Variants in GAK observed in about 807,000 individuals in gnomAD.
GAK encodes cyclin-G-associated kinase.
In GAK, 79 loss-of-function variants were observed where a neutral mutation model predicts 143.9. That is an observed-to-expected ratio of 0.55 (90% CI 0.46 to 0.66). The LOEUF is 0.66. Ranked by LOEUF, GAK falls within the 30% of genes least tolerant of loss-of-function variation. GAK has a pLI of 0.00. For synonymous variants in GAK, 881 were observed against 765.5 expected (o/e 1.15, Z -2.49); for missense variants, 1,693 against 1,779.7 (o/e 0.95, Z 0.88).
chr4:861,750 G>A (rs1750314720), intron 23 of GAK, among the ~76,000 whole-genome samples: 2 of 152,226 alleles, frequency 1.3e-5, no homozygotes, highest in South Asian at 4.1e-4. Flanking sequence ...TACAGAGGAA[G>A]TTCGGGTGAT....
In GAK at chr4:865,224, T is replaced by C. The variant is rs1750957219; in HGVS notation, c.3064A>G (p.Ser1022Gly). Residue 1022 changes from serine (S) to glycine (G), a missense_variant, in exon 23 of 28, where the codon AGC (serine) becomes GGC (glycine). By Grantham distance (56) the Ser-to-Gly change is moderately conservative. Around this residue, in one of 2 missense-constraint regions of GAK, gnomAD observed 822 missense variants for 788.7 expected, o/e 1.04. Transcript: ENST00000314167. ...LHLGDLPGEP[S>G]KMTASSSNPD... is the part of the protein sequence containing the mutation. ...TTGCTGGACGAGGCTGTCATCTTGC[T>C]GGGCTCTCCTGGCAGATCCCCTGGG... 1.2e-6 allele frequency: 2 copies of C among 1,613,464 alleles called. No individual in the cohort carries two copies. The highest frequency in any genetic ancestry group is 1.7e-6 in the Non-Finnish European group (2 of 1,179,888).
intron 24 of GAK, among the ~76,000 whole-genome samples, chr4:858,901 T>C (rs1749761313): frequency 6.6e-6 from 1 of 152,170 alleles, no homozygotes; most frequent in Non-Finnish European, 1.5e-5. Context: ...TGCTGGAGCG[T>C]CCGGGGGTCA....
At chr4:865,048 G>A in intron 23 of GAK, 74 bp downstream of exon 23, 2 of 1,555,408 alleles carry the variant, frequency 1.3e-6, no homozygotes, top group Non-Finnish European at 1.7e-6. Context: ...CCTGTTACAG[G>A]TACGTGTGAA....
intron 1 of GAK, among the ~76,000 whole-genome samples, chr4:928,898 G>C (rs1006217609): frequency 6.6e-6 from 1 of 152,072 alleles, no homozygotes; most frequent in South Asian, 2.1e-4. Context: ...TGAGTAGCTG[G>C]GACTACAGGC....
In GAK at chr4:932,196, C is replaced by G. The variant is rs1222582989; in HGVS notation, c.-9G>C. ...GACTGCAGCAGCGACATGGCGGTGG[C>G]TGCGCCGCACCCCGCGGCAGCCGGA... On this transcript the variant is annotated 5_prime_UTR_variant, in exon 1 of 28. Transcript: ENST00000314167. This position sits in a 1 kb window ranked among gnomAD's most constrained non-coding sequence, Gnocchi z 4.0. 2.0e-6 allele frequency: 3 copies of G among 1,530,028 alleles called. No homozygotes were observed. The Admixed American group carries it at 6.0e-5, about 31-fold the overall frequency. 94.8% of individuals were successfully genotyped at this position (1,530,028 alleles called of 1,614,324 possible). A position where few individuals can be genotyped will look rare whatever the true frequency, so the allele number is the denominator to read the frequency against.
chr4:893,770 G>T, intron 8 of GAK, 104 bp downstream of exon 8: 1 of 1,332,470 alleles, frequency 7.5e-7, no homozygotes, highest in Non-Finnish European at 1.0e-6. Flanking sequence ...ACGGGCGGGA[G>T]TGGGGCCAGG....
Position 910,842 on chromosome 4 carries a change from G to A in GAK, c.382+831C>T, listed in dbSNP as rs547305145. Among the ~76,000 whole-genome samples the A allele has an allele frequency of 8.5e-5, 13 of 152,190 alleles. No homozygotes were observed. In the East Asian group the frequency reaches 1.4e-3, roughly 16 times the overall value. On this transcript the variant is annotated intron_variant, in intron 4 of 27. Transcript: ENST00000314167. ...CTCCCCGAGTGCTCGACTTCCCCTC[G>A]TCACCTGGCACAGGAGTTCTGGAGG... is the stretch of plus-strand genomic sequence containing the variant.
At chr4:852,347 G>A in intron 24 of GAK, 1 of 338,078 alleles carries the variant, frequency 3.0e-6, no homozygotes, top group Non-Finnish European at 5.5e-6. Context: ...ACGGGGGTTG[G>A]GGCAGTGTCC....
At position 898,026 on chromosome 4, in the gene GAK, A is replaced by T; in HGVS notation, c.651+7T>A. ...GCTTCCCCCAGCATAGGCCCCACTC[A>T]GCTCACCTCTTCCTCCACCAGGGCT... On this transcript the variant is annotated splice_region_variant and intron_variant, in intron 6 of 27. Transcript: ENST00000314167. 6.2e-7 allele frequency: 1 copy of T among 1,610,708 alleles called. No homozygotes were observed. The highest frequency in any genetic ancestry group is 8.5e-7 in the Non-Finnish European group (1 of 1,178,330).
At position 866,965 on chromosome 4, in the gene GAK, G is replaced by A. The variant is rs1751304505; in HGVS notation, c.2863C>T (p.Pro955Ser). Reference sequence around the variant, plus strand: ...GAACAGAAACACGTACCAGCGGCAGGGGGCCCTCCTCTTGGGGTGCTCTGC... The same window carrying A: ...GAACAGAAACACGTACCAGCGGCAGAGGGCCCTCCTCTTGGGGTGCTCTGC... ...SVQSTPRGGP[P>S]AAADPFGPLL... Residue 955 changes from proline to serine, a missense_variant, in exon 21 of 28, where the codon CCT becomes TCT. Pro to Ser is a moderately conservative substitution (Grantham distance 74). This residue lies in a region of GAK where 822 missense variants were observed against 788.7 expected (regional missense o/e 1.04). Coordinates refer to ENST00000314167, the MANE Select transcript of GAK (RefSeq NM_005255.4). 10 of 1,486,468 alleles carry A rather than the reference G, an allele frequency of 6.7e-6. No homozygotes were observed. The highest frequency in any genetic ancestry group is 4.2e-5 in the African/African-American group (3 of 70,744). 92.1% of individuals were successfully genotyped at this position (1,486,468 alleles called of 1,614,324 possible).
intron 1 of GAK, among the ~76,000 whole-genome samples, chr4:923,247 T>C (rs1171613350): frequency 1.3e-5 from 2 of 152,136 alleles, no homozygotes; most frequent in East Asian, 1.9e-4. Flanking sequence ...CGTGGGAACC[T>C]ACAATGAACT....
Position 893,445 on chromosome 4 carries a change from C to A in GAK, c.922G>T (p.Glu308Ter). The change falls in exon 9 of 28, where the codon GAG becomes TAG. Residue 308 changes from glutamate to a stop codon, truncating the protein, a stop_gained. Transcript: ENST00000314167. LOFTEE classifies it high-confidence loss of function. The part of the protein sequence containing the change: ...VNPEERLSIA[E>*]VVHQLQEIAA... ...ATCTCCTGCAGCTGGTGCACCACCT[C>A]GGCGATGGACAGCCGCTCCTCCGGG... 6.3e-7 allele frequency: 1 copy of A among 1,592,578 alleles called. No individual in the cohort carries two copies. The highest frequency in any genetic ancestry group is 8.5e-7 in the Non-Finnish European group (1 of 1,170,312).
rs1717425402 is a variant in GAK, at chr4:890,542, G to C, written c.1071C>G (p.Gly357=). 3 of 1,608,334 alleles carry C rather than the reference G, an allele frequency of 1.9e-6. No individual in the cohort carries two copies. Among genetic ancestry groups the C allele is most frequent in the African/African-American group, 2.7e-5 (2 of 74,954 alleles). Residue 357 remains glycine (G), a synonymous_variant, in exon 10 of 28, where the codon GGC becomes GGG. Coordinates refer to ENST00000314167, the MANE Select transcript of GAK (RefSeq NM_005255.4). ...GGACAGGGCACTCACCTCCACTGTA[G>C]CCACTGCCAGCGGGGCCCACGGGAG... ...PPPPVGPAGS[G]YSGGLALAEY... is the part of the protein sequence containing the mutation.
rs111228796 is a variant in GAK at position 858,020 on chromosome 4, T to C, written c.3283+1586A>G. On this transcript the variant is annotated intron_variant, in intron 24 of 27. Coordinates refer to ENST00000314167, the MANE Select transcript of GAK (RefSeq NM_005255.4). ...GCCCAGGTGTCGTTTGAAAGTGTGC[T>C]GTTTTGTTCCCAAGTGTGAAGATTC... Among the ~76,000 whole-genome samples the C allele has an allele frequency of 1.4e-3, 218 of 152,296 alleles. 3 individuals are homozygous for C. Among genetic ancestry groups the C allele is most frequent in the African/African-American group, 4.8e-3 (200 of 41,564 alleles).
chr4:924,901 C>G (rs1238394886), intron 1 of GAK, among the ~76,000 whole-genome samples: 1 of 151,518 alleles, frequency 6.6e-6, no homozygotes, highest in East Asian at 1.9e-4. Flanking sequence ...TGGTGGAGTT[C>G]CCCCAGGGGC....
At chr4:860,666 G>A (rs1348351732) in intron 23 of GAK, among the ~76,000 whole-genome samples, 1 of 152,292 alleles carries the variant, frequency 6.6e-6, no homozygotes, top group East Asian at 1.9e-4. Context: ...CACTTGAGGG[G>A]ACGGGCACCC....
Position 884,096 on chromosome 4 carries a change from A to G in GAK, c.1206-10T>C, listed in dbSNP as rs1715744561. On this transcript the variant is annotated splice_polypyrimidine_tract_variant and intron_variant, in intron 11 of 27. Transcript: ENST00000314167. The stretch of plus-strand genomic sequence containing the variant: ...GTCACCCTTTGCATAACTGGAATTA[A>G]AAAGAAGAGAACTTGGTTATGACAA... 6.2e-7 allele frequency: 1 copy of G among 1,612,232 alleles called. No homozygotes were observed. Among genetic ancestry groups the G allele is most frequent in the Non-Finnish European group, 8.5e-7 (1 of 1,178,452 alleles).
chr4:906,058 AACC>A lies in GAK; in HGVS notation c.383-1282_383-1280del, dbSNP rs71640367. Among the ~76,000 whole-genome samples, 369 of 152,344 alleles carry A rather than the reference AACC, an allele frequency of 2.4e-3. 1 individual carries two copies. Among genetic ancestry groups the A allele is most frequent in the Non-Finnish European group, 2.9e-3 (197 of 68,026 alleles). ...TGAGCTGGCATGCCGTTAACGTGAG[AACC>A]ACATCGGCATCCCAGCAGTTGAGCT... On this transcript the variant is annotated intron_variant, in intron 4 of 27. Coordinates refer to ENST00000314167, the MANE Select transcript of GAK (RefSeq NM_005255.4).
chr4:887,779 G>C (rs1409315008), intron 11 of GAK: 2 of 152,324 alleles, frequency 1.3e-5, no homozygotes, highest in African/African-American at 2.4e-5. Flanking sequence ...ACACGTGCCT[G>C]CACACAATAC....
Sources: gnomAD v4.1 joint callset for allele counts (sites outside exome capture counted in the v4.1 genomes callset) on GRCh38, gnomAD v4.1.1 for gene constraint, gnomAD v4.1.1 regional missense constraint, Gnocchi (gnomAD v3.1) non-coding constraint, MANE v1.5 for transcripts, NCBI Gene and HGNC (gene_info 2026-07-23, HGNC 2026-07-21) for gene names.